ARHGAP15: variants seen among roughly 807,000 people sequenced by gnomAD.
The protein encoded by ARHGAP15 is Rho GTPase activating protein 15.
Under a neutral mutation model 63.7 loss-of-function variants are expected in ARHGAP15, and 51 were observed. The ratio of observed to expected loss-of-function variants is 0.80; its 90% CI spans 0.64 to 1.01. The LOEUF (loss-of-function observed/expected upper bound fraction) is 1.01, where lower values mean the gene tolerates loss of function less well. Ranked by LOEUF, ARHGAP15 falls within the 50% of genes least tolerant of loss-of-function variation. The pLI is 0.00. For synonymous variants in ARHGAP15, 191 were observed against 193.8 expected (o/e 0.99, Z 0.12); for missense variants, 560 against 564.6 (o/e 0.99, Z 0.08).
chr2:143,504,249 A>C (rs115625738), intron 9 of ARHGAP15, among the ~76,000 whole-genome samples: 109 of 152,292 alleles, frequency 7.2e-4, no homozygotes, highest in African/African-American at 2.5e-3. Flanking sequence ...TATTCATTTA[A>C]TATTTTTTAT....
chr2:143,659,440 G>A (rs1371757310), intron 12 of ARHGAP15, among the ~76,000 whole-genome samples: 1 of 152,118 alleles, frequency 6.6e-6, no homozygotes, highest in East Asian at 1.9e-4. Context: ...TTGGAAAAGT[G>A]AGGAGCTTAT....
chr2:143,227,256 A>G (rs1693245776), intron 4 of ARHGAP15, among the ~76,000 whole-genome samples: 1 of 152,196 alleles, frequency 6.6e-6, no homozygotes, highest in Non-Finnish European at 1.5e-5. Flanking sequence ...CAAGAAATAC[A>G]AAGGAGACTC....
At chr2:143,390,808 G>A (rs72852749) in intron 6 of ARHGAP15, among the ~76,000 whole-genome samples, 18,320 of 151,932 alleles carry the variant, frequency 0.12, 1,207 homozygotes, top group African/African-American at 0.16. Context: ...CCAACCCAAA[G>A]GGAGGGAACA....
At chr2:143,254,304 G>A (rs1680309564) in intron 6 of ARHGAP15, among the ~76,000 whole-genome samples, 1 of 151,938 alleles carries the variant, frequency 6.6e-6, no homozygotes, top group African/African-American at 2.4e-5. Flanking sequence ...TCACACAAGC[G>A]GGGCTACTGT....
intron 6 of ARHGAP15, among the ~76,000 whole-genome samples, chr2:143,364,910 G>A (rs763834355): frequency 2.0e-5 from 3 of 152,168 alleles, no homozygotes; most frequent in African/African-American, 7.2e-5. Flanking sequence ...GAAGGCTGAG[G>A]CACGAGAATT....
intron 5 of ARHGAP15, among the ~76,000 whole-genome samples, chr2:143,229,703 G>A (rs143937226): frequency 3.3e-5 from 5 of 152,276 alleles, no homozygotes; most frequent in East Asian, 1.9e-4. Flanking sequence ...GTAATAAAAC[G>A]ATGGGAAGTT....
chr2:143,620,930 C>G (rs1698623575), intron 11 of ARHGAP15, among the ~76,000 whole-genome samples: 1 of 152,158 alleles, frequency 6.6e-6, no homozygotes, highest in South Asian at 2.1e-4. Context: ...AACTCAAGGT[C>G]ATATTAAGGA....
At chr2:143,684,467 T>G (rs1327461683) in intron 12 of ARHGAP15, among the ~76,000 whole-genome samples, 1 of 151,912 alleles carries the variant, frequency 6.6e-6, no homozygotes, top group Non-Finnish European at 1.5e-5. Context: ...TCATCTCATC[T>G]CAGCAAAAAC....
intron 1 of ARHGAP15, among the ~76,000 whole-genome samples, chr2:143,142,488 G>T (rs1264685352): frequency 6.6e-6 from 1 of 151,708 alleles, no homozygotes; most frequent in Non-Finnish European, 1.5e-5. Flanking sequence ...CCTCCCCAAA[G>T]CATTTTTTTA....
chr2:143,575,657 C>G (rs1022500678), intron 11 of ARHGAP15, among the ~76,000 whole-genome samples: 1 of 152,088 alleles, frequency 6.6e-6, no homozygotes, highest in Non-Finnish European at 1.5e-5. Flanking sequence ...ATGTGATGGG[C>G]ACATTACTCT....
At chr2:143,509,382 G>A (rs1160477326) in intron 9 of ARHGAP15, among the ~76,000 whole-genome samples, 1 of 150,792 alleles carries the variant, frequency 6.6e-6, no homozygotes, top group Admixed American at 6.6e-5. Context: ...TTTACTTCCA[G>A]TGCATGTCGT....
chr2:143,737,843 G>A (rs1260904934), intron 13 of ARHGAP15, among the ~76,000 whole-genome samples: 5 of 152,026 alleles, frequency 3.3e-5, no homozygotes, highest in South Asian at 2.1e-4. Context: ...TGCAAGCTCC[G>A]CCTCCTGGGT....
At chr2:143,261,760 A>T (rs1278539956) in intron 6 of ARHGAP15, among the ~76,000 whole-genome samples, 1 of 152,142 alleles carries the variant, frequency 6.6e-6, no homozygotes, top group Non-Finnish European at 1.5e-5. Flanking sequence ...TGAGACTAGG[A>T]ATTGTGTGCA....
intron 13 of ARHGAP15, among the ~76,000 whole-genome samples, chr2:143,741,588 CAA>C (rs1553535857): frequency 6.6e-6 from 1 of 152,130 alleles, no homozygotes; most frequent in Non-Finnish European, 1.5e-5. Flanking sequence ...GTTTGAAAGT[CAA>C]AGAGACATTT....
chr2:143,478,457 G>C (rs1361161893), intron 8 of ARHGAP15, among the ~76,000 whole-genome samples: 2 of 152,180 alleles, frequency 1.3e-5, no homozygotes, highest in Admixed American at 6.5e-5. Context: ...ATCTCTCTAT[G>C]TCCTTAGACA....
chr2:143,631,453 A>G (rs1241439388), intron 12 of ARHGAP15, among the ~76,000 whole-genome samples: 1 of 152,076 alleles, frequency 6.6e-6, no homozygotes, highest in East Asian at 1.9e-4. Flanking sequence ...AGTATATGAG[A>G]GTTCCAGTTT....
intron 13 of ARHGAP15, among the ~76,000 whole-genome samples, chr2:143,722,185 A>T (rs1380134407): frequency 6.6e-6 from 1 of 151,072 alleles, no homozygotes; most frequent in Non-Finnish European, 1.5e-5. Flanking sequence ...ACACACACAC[A>T]CACACTCACA....
intron 6 of ARHGAP15, among the ~76,000 whole-genome samples, chr2:143,381,459 G>GT (rs1342158313): frequency 6.6e-6 from 1 of 151,202 alleles, no homozygotes; most frequent in African/African-American, 2.4e-5. Flanking sequence ...GCAAAAGATT[G>GT]AAAAAAAAAT....
chr2:143,235,460 G>A (rs932962743), intron 5 of ARHGAP15, among the ~76,000 whole-genome samples: 1 of 152,138 alleles, frequency 6.6e-6, no homozygotes, highest in Non-Finnish European at 1.5e-5. Flanking sequence ...TTTGAAGATA[G>A]GATAAGAGAA....
Sources: gnomAD v4.1 joint callset for allele counts (sites outside exome capture counted in the v4.1 genomes callset) on GRCh38, gnomAD v4.1.1 for gene constraint, MANE v1.5 for transcripts, NCBI Gene and HGNC (gene_info 2026-07-23, HGNC 2026-07-21) for gene names.